Variants in PCDHA6 observed in about 807,000 individuals in gnomAD.
The protein encoded by PCDHA6 is protocadherin alpha 6, also known as protocadherin alpha-6.
Under a neutral mutation model 60.3 loss-of-function variants are expected in PCDHA6, and 55 were observed. The ratio of observed to expected loss-of-function variants is 0.91; its 90% CI spans 0.73 to 1.14. The LOEUF is 1.14. Ranked by LOEUF, PCDHA6 falls within the 50% of genes most tolerant of loss-of-function variation. The pLI is 0.00. For missense variants in PCDHA6, 1,327 were observed against 1,256.5 expected, an observed-to-expected ratio of 1.06 and a Z score of -0.85; for synonymous variants, 652 against 557.9, an observed-to-expected ratio of 1.17 and a Z score of -2.38.
chr5:140,835,843 A>T, intron 1 of PCDHA6: 1 of 1,612,338 alleles, frequency 6.2e-7, no homozygotes, highest in Non-Finnish European at 8.5e-7. Context: ...GCGCAGAAGA[A>T]CGCGCTGGTG....
chr5:140,873,262 G>T (rs1196053156), intron 1 of PCDHA6, among the ~76,000 whole-genome samples: 1 of 152,136 alleles, frequency 6.6e-6, no homozygotes, highest in Non-Finnish European at 1.5e-5. Context: ...ACTCAAAAGT[G>T]ATTAAACCAT....
chr5:140,835,568 C>G lies in PCDHA6; in HGVS notation c.2394+5083C>G, dbSNP rs2150238425. ...GCTCCCTGACGCCCCGCGTTCCCTT[C>G]AAGTTGGTGTCCACCTTCAAGAATT... On this transcript the variant is annotated intron_variant, in intron 1 of 3. Coordinates refer to ENST00000529310, the MANE Select transcript of PCDHA6 (RefSeq NM_018909.4). 2.5e-6 allele frequency: 4 copies of G among 1,613,812 alleles called. No homozygotes were observed. The highest frequency in any genetic ancestry group is 3.4e-6 in the Non-Finnish European group (4 of 1,179,876).
Position 140,828,529 on chromosome 5 carries a change from G to A in PCDHA6, c.438G>A (p.Arg146=). 6.2e-7 allele frequency: 1 copy of A among 1,614,222 alleles called. No individual in the cohort carries two copies. Among genetic ancestry groups the A allele is most frequent in the Non-Finnish European group, 8.5e-7 (1 of 1,180,038 alleles). ...EEQRVLIYES[R]LPDSVFPLEG... The stretch of plus-strand genomic sequence containing the variant: ...AAAGAGTGCTGATTTACGAATCTAG[G>A]CTGCCAGATTCTGTGTTTCCACTGG... The change falls in exon 1 of 4, where the codon AGG becomes AGA. Residue 146 remains arginine, a synonymous_variant. Coordinates refer to ENST00000529310, the MANE Select transcript of PCDHA6 (RefSeq NM_018909.4).
chr5:140,858,822 T>C (rs1334522952), intron 1 of PCDHA6: 2 of 340,086 alleles, frequency 5.9e-6, no homozygotes, highest in Non-Finnish European at 1.1e-5. Context: ...TGATTGTATT[T>C]GCATTACCAA....
chr5:140,858,571 C>A lies in PCDHA6; in HGVS notation c.2394+28086C>A, dbSNP rs377514565. On this transcript the variant is annotated intron_variant, in intron 1 of 3. Transcript: ENST00000529310. ...TATGCTTGAATATTTCTAGTGATAC[C>A]TTTGTAATATAATTTATTCCAGGAG... 1.0e-4 allele frequency: 142 copies of A among 1,362,202 alleles called. 6 individuals carry two copies. The highest frequency in any genetic ancestry group is 1.4e-4 in the Non-Finnish European group (135 of 988,482). The allele number at this position is 1,362,202 out of a possible 1,614,324, so 84.4% of individuals were successfully genotyped here. A position where few individuals can be genotyped will look rare whatever the true frequency, so the allele number is the denominator to read the frequency against.
chr5:140,870,614 C>T, intron 1 of PCDHA6: 2 of 1,613,212 alleles, frequency 1.2e-6, no homozygotes, highest in Non-Finnish European at 1.7e-6. Context: ...CGCGCGCTGT[C>T]GAGCTACGTG....
intron 1 of PCDHA6, chr5:140,882,915 A>T: frequency 6.2e-7 from 1 of 1,614,228 alleles, no homozygotes; most frequent in Non-Finnish European, 8.5e-7. Context: ...ACAGCCAGTG[A>T]TGGAGGTAAA....
chr5:140,905,327 T>G (rs1446614190), intron 1 of PCDHA6, among the ~76,000 whole-genome samples: 1 of 152,202 alleles, frequency 6.6e-6, no homozygotes, highest in Non-Finnish European at 1.5e-5. Flanking sequence ...TATGCTTTGT[T>G]GAAGATCAGT....
intron 2 of PCDHA6, among the ~76,000 whole-genome samples, chr5:140,980,525 G>C (rs1554241939): frequency 6.6e-6 from 1 of 152,166 alleles, no homozygotes; most frequent in African/African-American, 2.4e-5. Context: ...AGCTACTAGG[G>C]AGGCTGAGGC....
chr5:140,927,136 G>A (rs2083883058), intron 1 of PCDHA6: 3 of 1,613,986 alleles, frequency 1.9e-6, no homozygotes, highest in African/African-American at 2.7e-5. Flanking sequence ...AGAGCCGGCG[G>A]ACCGCGAACA....
chr5:140,856,825 A>C lies in PCDHA6; in HGVS notation c.2394+26340A>C, dbSNP rs782049467. On this transcript the variant is annotated intron_variant, in intron 1 of 3. Coordinates refer to ENST00000529310, the MANE Select transcript of PCDHA6 (RefSeq NM_018909.4). Reference sequence around the variant, plus strand: ...ATGAAAATCAAGTGAACCAAACATTAGTAATACGGCTCAACGCTTCTGATT... The same window carrying C: ...ATGAAAATCAAGTGAACCAAACATTCGTAATACGGCTCAACGCTTCTGATT... 1 of 1,592,052 alleles carries C rather than the reference A, an allele frequency of 6.3e-7. No individual in the cohort carries two copies. The highest frequency in any genetic ancestry group is 1.7e-5 in the Admixed American group (1 of 59,160).
intron 1 of PCDHA6, among the ~76,000 whole-genome samples, chr5:140,935,347 T>C (rs886241397): frequency 1.3e-5 from 2 of 152,180 alleles, no homozygotes; most frequent in African/African-American, 4.8e-5. Flanking sequence ...ATACGTCAAA[T>C]CCCAGTTTTC....
rs2042381743 is a variant in PCDHA6 at position 140,852,581 on chromosome 5, T to A, written c.2394+22096T>A. ...GTGAGCCACTGTGCCAAGGCTTTTTTATTTTTTTTTTTTGTCATTTTCTTT... is the reference window on the plus strand; with the variant it reads ...GTGAGCCACTGTGCCAAGGCTTTTTAATTTTTTTTTTTTGTCATTTTCTTT... On this transcript the variant is annotated intron_variant, in intron 1 of 3. Transcript: ENST00000529310. 5 of 832,294 alleles carry A rather than the reference T, an allele frequency of 6.0e-6. 1 individual carries two copies. The highest frequency in any genetic ancestry group is 7.4e-6 in the Non-Finnish European group (5 of 678,338). 51.6% of individuals were successfully genotyped at this position (832,294 alleles called of 1,614,324 possible). A position where few individuals can be genotyped will look rare whatever the true frequency, so the allele number is the denominator to read the frequency against.
In PCDHA6 at chr5:140,828,741, G is replaced by C. The variant is rs201515728; in HGVS notation, c.650G>C (p.Gly217Ala). 6.2e-7 allele frequency: 1 copy of C among 1,614,220 alleles called. No individual in the cohort carries two copies. Residue 217 changes from glycine (G) to alanine (A), a missense_variant, in exon 1 of 4, where the codon GGG (glycine) becomes GCG (alanine). By Grantham distance (60) the Gly-to-Ala change is moderately conservative (BLOSUM62 0). Coordinates refer to ENST00000529310, the MANE Select transcript of PCDHA6 (RefSeq NM_018909.4). ...AHNLFLTATD[G>A]GKPELTGTVQ... ...AACTTATTCCTGACAGCCACAGATG[G>C]GGGCAAACCTGAGCTCACAGGCACT...
chr5:140,950,723 A>AT (rs1196047674), intron 1 of PCDHA6, among the ~76,000 whole-genome samples: 72 of 152,102 alleles, frequency 4.7e-4, no homozygotes, highest in African/African-American at 1.6e-3. Flanking sequence ...ATATCCTTAA[A>AT]TTTTTTAATC....
chr5:140,938,843 C>G (rs1232774282), intron 1 of PCDHA6, among the ~76,000 whole-genome samples: 1 of 152,130 alleles, frequency 6.6e-6, no homozygotes, highest in East Asian at 1.9e-4. Context: ...AACAAACCTG[C>G]CCATGTACCC....
At chr5:140,958,913 C>T (rs1367853733) in intron 1 of PCDHA6, among the ~76,000 whole-genome samples, 12 of 151,050 alleles carry the variant, frequency 7.9e-5, no homozygotes, top group Non-Finnish European at 8.8e-5. Context: ...AAAAGTCTGC[C>T]TGGGTGTGGT....
intron 1 of PCDHA6, among the ~76,000 whole-genome samples, chr5:140,832,678 C>T (rs1282906655): frequency 6.6e-6 from 1 of 152,042 alleles, no homozygotes; most frequent in African/African-American, 2.4e-5. Context: ...TGAGAATCAT[C>T]GAATTAACAA....
At chr5:140,855,820 T>C (rs2043635230) in intron 1 of PCDHA6, 2 of 529,480 alleles carry the variant, frequency 3.8e-6, no homozygotes, top group South Asian at 3.2e-5. Flanking sequence ...AGTTGTGAAC[T>C]CATGGAATCG....
Sources: gnomAD v4.1 joint callset for allele counts (sites outside exome capture counted in the v4.1 genomes callset) on GRCh38, gnomAD v4.1.1 for gene constraint, MANE v1.5 for transcripts, NCBI Gene and HGNC (gene_info 2026-07-23, HGNC 2026-07-21) for gene names.